The following SLC36A1 variants were observed in gnomAD, a reference collection of about 807,000 sequenced individuals.
SLC36A1 encodes the protein solute carrier family 36 member 1.
SLC36A1 carries 30 observed loss-of-function variants against 47.5 expected under a neutral mutation model. That is an observed-to-expected ratio of 0.63 (90% CI 0.47 to 0.86). The LOEUF (loss-of-function observed/expected upper bound fraction) is 0.86, where lower values mean the gene tolerates loss of function less well. Among genes scored for constraint, SLC36A1 ranks in the 40% least tolerant of loss-of-function variants. The pLI, the probability that SLC36A1 is intolerant of heterozygous loss-of-function variation, is 0.00. For synonymous variants in SLC36A1, 255 were observed against 249.7 expected (o/e 1.02, Z -0.20); for missense variants, 517 against 606.0 (o/e 0.85, Z 1.54).
the SLC36A1 span, among the ~76,000 whole-genome samples, chr5:151,420,635 T>A: frequency 6.6e-6 from 1 of 152,078 alleles, no homozygotes; most frequent in East Asian, 1.9e-4. Flanking sequence ...CATTTAAAAA[T>A]ATAGCAGTAA....
chr5:151,527,098 C>G, the SLC36A1 span: 2 of 842,200 alleles, frequency 2.4e-6, no homozygotes, highest in East Asian at 5.0e-5. Flanking sequence ...CTCCAGCAGT[C>G]TGTGTTGCCT....
the SLC36A1 span, among the ~76,000 whole-genome samples, chr5:151,551,110 T>C: frequency 2.8e-4 from 42 of 150,938 alleles, no homozygotes; most frequent in East Asian, 2.3e-3. Context: ...TCAAGTGAAA[T>C]GTTGTGTGAA....
At chr5:151,426,477 G>A in the SLC36A1 span, among the ~76,000 whole-genome samples, 15 of 152,074 alleles carry the variant, frequency 9.9e-5, no homozygotes, top group Admixed American at 3.3e-4. Context: ...TGATGTGCAC[G>A]TAGGCCAGGT....
the SLC36A1 span, among the ~76,000 whole-genome samples, chr5:151,514,535 C>T: frequency 6.6e-5 from 10 of 152,272 alleles, no homozygotes; most frequent in Admixed American, 2.0e-4. Flanking sequence ...TGGAGAAAAA[C>T]GTGCAGCTTT....
the SLC36A1 span, among the ~76,000 whole-genome samples, chr5:151,500,234 T>C: frequency 6.6e-6 from 1 of 152,228 alleles, no homozygotes; most frequent in Non-Finnish European, 1.5e-5. Context: ...ACTGGAATCC[T>C]GGTCCTGTCA....
At chr5:151,484,064 A>G (rs1027591128) in intron 10 of SLC36A1, among the ~76,000 whole-genome samples, 41 of 152,202 alleles carry the variant, frequency 2.7e-4, no homozygotes, top group African/African-American at 9.4e-4. Context: ...TCTTTGTCCA[A>G]TCAGAGGAAA....
the SLC36A1 span, chr5:151,526,043 A>C: frequency 1.4e-6 from 2 of 1,384,474 alleles, no homozygotes; most frequent in Non-Finnish European, 2.0e-6. Context: ...TGGGTATGTC[A>C]TCTGGAATGA....
chr5:151,445,757 G>C (rs1752880551), upstream of SLC36A1, among the ~76,000 whole-genome samples: 1 of 152,026 alleles, frequency 6.6e-6, no homozygotes, highest in African/African-American at 2.4e-5. Flanking sequence ...TTTCATCTGG[G>C]TTATCCAATA....
chr5:151,378,159 G>A, the SLC36A1 span: 1 of 300,412 alleles, frequency 3.3e-6, no homozygotes, highest in Non-Finnish European at 6.6e-6. Flanking sequence ...GAAAGAGCAG[G>A]ACAATCATTC....
At chr5:151,555,177 A>G in the SLC36A1 span, among the ~76,000 whole-genome samples, 1 of 152,172 alleles carries the variant, frequency 6.6e-6, no homozygotes, top group East Asian at 1.9e-4. Flanking sequence ...ATGCAGAGGC[A>G]AATAATCACA....
the SLC36A1 span, chr5:151,507,034 C>T: frequency 1.2e-6 from 1 of 834,656 alleles, no homozygotes; most frequent in Non-Finnish European, 1.9e-6. Context: ...TCATCATGTC[C>T]CATCCCAAAG....
At chr5:151,424,128 C>T in the SLC36A1 span, among the ~76,000 whole-genome samples, 1 of 152,216 alleles carries the variant, frequency 6.6e-6, no homozygotes, top group Non-Finnish European at 1.5e-5. Context: ...ATGCCACCCT[C>T]CCTCTCAACC....
In SLC36A1 at chr5:151,479,488, A is replaced by G. The variant is rs1186126313; in HGVS notation, c.1158A>G (p.Thr386=). The G allele has an allele frequency of 5.0e-6, 8 of 1,612,540 alleles. No individual in the cohort carries two copies. The highest frequency in any genetic ancestry group is 2.2e-5 in the East Asian group (1 of 44,824). The part of the protein sequence containing the change: ...LFVRTVLVCL[T]CILAILIPRL... ...TGCGCACAGTGCTGGTCTGCCTGAC[A>G]TGTGAGTAGAAGATGATAATTGCCT... The change falls in exon 10 of 11, where the codon ACA becomes ACG. Residue 386 remains threonine (T), a splice_region_variant and synonymous_variant. Coordinates refer to ENST00000243389, the MANE Select transcript of SLC36A1 (RefSeq NM_078483.4).
chr5:151,533,586 G>A, the SLC36A1 span, among the ~76,000 whole-genome samples: 1 of 152,106 alleles, frequency 6.6e-6, no homozygotes, highest in Admixed American at 6.5e-5. Context: ...GTGTCAAACA[G>A]AGCAGGGTGT....
the SLC36A1 span, among the ~76,000 whole-genome samples, chr5:151,384,682 G>A: frequency 6.6e-6 from 1 of 152,158 alleles, no homozygotes; most frequent in African/African-American, 2.4e-5. Context: ...TCCTGCCTCT[G>A]CTTAAATACC....
chr5:151,553,182 A>G, the SLC36A1 span: 4 of 1,614,204 alleles, frequency 2.5e-6, no homozygotes, highest in Non-Finnish European at 3.4e-6. Flanking sequence ...CTCACCTGAG[A>G]TGTTGAACCA....
At chr5:151,435,693 T>C (rs1398807719), upstream of SLC36A1, among the ~76,000 whole-genome samples, 3 of 151,990 alleles carry the variant, frequency 2.0e-5, no homozygotes, top group Non-Finnish European at 4.4e-5. Flanking sequence ...ATAAAGTCTT[T>C]AAGTTCCAAA....
chr5:151,544,743 C>A, the SLC36A1 span: 3 of 1,614,180 alleles, frequency 1.9e-6, no homozygotes, highest in East Asian at 4.5e-5. Flanking sequence ...CAAAGGGTTT[C>A]TTGAGTGATA....
At chr5:151,455,102 A>G (rs1308505761) in intron 1 of SLC36A1, among the ~76,000 whole-genome samples, 1 of 152,116 alleles carries the variant, frequency 6.6e-6, no homozygotes, top group East Asian at 1.9e-4. Context: ...GAGTTGTGTA[A>G]CATGTACCCA....
Sources: gnomAD v4.1 joint callset for allele counts (sites outside exome capture counted in the v4.1 genomes callset) on GRCh38, gnomAD v4.1.1 for gene constraint, MANE v1.5 for transcripts, NCBI Gene and HGNC (gene_info 2026-07-23, HGNC 2026-07-21) for gene names.